Variants in SYNRG observed in about 807,000 individuals in gnomAD.
SYNRG encodes the protein AP1 gamma subunit binding protein 1.
SYNRG carries 37 observed loss-of-function variants against 130.9 expected under a neutral mutation model. That is an observed-to-expected ratio of 0.28 (90% CI 0.22 to 0.37). The LOEUF (loss-of-function observed/expected upper bound fraction) is 0.37. Ranked by LOEUF, SYNRG falls within the 10% of genes least tolerant of loss-of-function variation. The probability of loss-of-function intolerance (pLI) is 1.00; values close to 1 mark genes in which losing one functional copy is unlikely to be tolerated. For synonymous variants in SYNRG, 539 were observed against 568.1 expected (o/e 0.95, Z 0.73); for missense variants, 1,338 against 1,588.9 (o/e 0.84, Z 2.68).
chr17:37,560,844 T>C (rs780413881), intron 13 of SYNRG, among the ~76,000 whole-genome samples: 19 of 151,698 alleles, frequency 1.3e-4, no homozygotes, highest in Non-Finnish European at 2.4e-4. Flanking sequence ...TTCATATTTT[T>C]AGTAAAGACA....
chr17:37,607,910 C>T (rs1036008686), intron 1 of SYNRG, among the ~76,000 whole-genome samples: 1 of 142,260 alleles, frequency 7.0e-6, no homozygotes, highest in Non-Finnish European at 1.5e-5. Flanking sequence ...GGGTCGAGAT[C>T]ACGCCGCCGC....
intron 4 of SYNRG, 27 bp downstream of exon 4, chr17:37,586,367 GATAGATGCTATAATGTATCTTTGTT>G: frequency 6.2e-7 from 1 of 1,604,376 alleles, no homozygotes. Context: ...CAATTCTTAA[GATAGATGCTATAATGTATCTTTGTT>G]ATCCTTTAAT....
intron 19 of SYNRG, among the ~76,000 whole-genome samples, chr17:37,522,580 G>T (rs938583173): frequency 6.7e-6 from 1 of 149,968 alleles, no homozygotes; most frequent in African/African-American, 2.5e-5. Flanking sequence ...CAATCCTCCC[G>T]CCTCAGCCTC....
At chr17:37,608,967 G>C (rs1274590925) in intron 1 of SYNRG, among the ~76,000 whole-genome samples, 3 of 151,760 alleles carry the variant, frequency 2.0e-5, no homozygotes, top group African/African-American at 7.3e-5. Flanking sequence ...GAGCGGAGTC[G>C]CGGTTCCTGA....
chr17:37,573,068 G>A (rs1191909053), intron 8 of SYNRG, among the ~76,000 whole-genome samples: 1 of 152,080 alleles, frequency 6.6e-6, no homozygotes, highest in Admixed American at 6.6e-5. Flanking sequence ...TTACATCTGG[G>A]ATTATAAGTA....
intron 19 of SYNRG, among the ~76,000 whole-genome samples, chr17:37,523,578 T>C (rs1228122299): frequency 6.6e-6 from 1 of 152,236 alleles, no homozygotes; most frequent in Non-Finnish European, 1.5e-5. Context: ...TGCGACAGAA[T>C]GGAATCTCAG....
rs920703891 is a variant in SYNRG, at chr17:37,517,876, T to C, written c.*1064A>G. 6.6e-6 allele frequency: 1 copy of C among 152,186 alleles called. No individual in the cohort carries two copies. The highest frequency in any genetic ancestry group is 1.5e-5 in the Non-Finnish European group (1 of 68,030). 9.4% of individuals were successfully genotyped at this position (152,186 alleles called of 1,614,324 possible). A position where few individuals can be genotyped will look rare whatever the true frequency, so the allele number is the denominator to read the frequency against. Reference sequence around the variant, plus strand: ...CATTCACATTAAATGGCAAAGACAATTCCCTACTCCAGGAAGCATGAGCCT... The same window carrying C: ...CATTCACATTAAATGGCAAAGACAACTCCCTACTCCAGGAAGCATGAGCCT... On this transcript the variant is annotated 3_prime_UTR_variant, in exon 22 of 22. Coordinates refer to ENST00000612223, the MANE Select transcript of SYNRG (RefSeq NM_007247.6).
At chr17:37,577,822 C>A (rs1300457507) in intron 6 of SYNRG, among the ~76,000 whole-genome samples, 1 of 149,878 alleles carries the variant, frequency 6.7e-6, no homozygotes, top group African/African-American at 2.5e-5. Context: ...CCTCAGCCTC[C>A]TTAGTAGCTG....
intron 8 of SYNRG, among the ~76,000 whole-genome samples, chr17:37,573,558 C>T (rs2060597934): frequency 6.6e-6 from 1 of 152,096 alleles, no homozygotes; most frequent in Non-Finnish European, 1.5e-5. Context: ...AGATTTCATT[C>T]GTTTGGCTTG....
intron 1 of SYNRG, chr17:37,606,123 A>C: frequency 1.8e-6 from 1 of 562,196 alleles, no homozygotes; most frequent in Non-Finnish European, 2.3e-6. Flanking sequence ...TAGTTTGGGC[A>C]CAACTCTACT....
intron 2 of SYNRG, among the ~76,000 whole-genome samples, chr17:37,598,368 C>G (rs992662647): frequency 2.0e-5 from 3 of 152,154 alleles, no homozygotes; most frequent in African/African-American, 7.2e-5. Context: ...CAAAGAACAC[C>G]AAGTACAAAG....
chr17:37,520,032 C>T, intron 21 of SYNRG, 147 bp downstream of exon 21: 1 of 826,868 alleles, frequency 1.2e-6, no homozygotes, highest in Non-Finnish European at 2.0e-6. Flanking sequence ...TTAGGAGACT[C>T]CATCAAACAT....
intron 1 of SYNRG, among the ~76,000 whole-genome samples, chr17:37,603,285 C>A (rs1034763230): frequency 6.6e-6 from 1 of 152,006 alleles, no homozygotes; most frequent in African/African-American, 2.4e-5. Flanking sequence ...GGGAGGATTG[C>A]TTGAGCCCAT....
intron 14 of SYNRG, among the ~76,000 whole-genome samples, chr17:37,551,564 GAA>G (rs962452606): frequency 6.7e-6 from 1 of 149,238 alleles, no homozygotes; most frequent in Non-Finnish European, 1.5e-5. Flanking sequence ...TAAAATGGGG[GAA>G]AAAAAAAGAC....
intron 19 of SYNRG, chr17:37,529,704 G>A: frequency 7.2e-7 from 1 of 1,379,718 alleles, no homozygotes; most frequent in Admixed American, 2.0e-5. Context: ...TAAACGCACA[G>A]CAGCAACCCA....
chr17:37,553,388 A>C lies in SYNRG; in HGVS notation c.2335T>G (p.Phe779Val). The change falls in exon 14 of 22, where the codon TTC (phenylalanine) becomes GTC (valine). Residue 779 changes from phenylalanine to valine, a missense_variant. Phe to Val is a conservative substitution (Grantham distance 50). This residue lies in a region of SYNRG where 1,146 missense variants were observed against 1,342.3 expected (regional missense o/e 0.85). Coordinates refer to ENST00000612223, the MANE Select transcript of SYNRG (RefSeq NM_007247.6). ...SGKSDDDFAD[F>V]HSSKFSSINS... ...ATGGAAGAAAATTTACTGGAGTGGA[A>C]GTCAGCAAAATCATCATCACTTTTT... 1 of 1,614,214 alleles carries C rather than the reference A, an allele frequency of 6.2e-7. No homozygotes were observed. The highest frequency in any genetic ancestry group is 8.5e-7 in the Non-Finnish European group (1 of 1,180,026).
chr17:37,548,034 T>C (rs955636046), intron 14 of SYNRG, among the ~76,000 whole-genome samples: 4 of 152,228 alleles, frequency 2.6e-5, no homozygotes, highest in Non-Finnish European at 5.9e-5. Flanking sequence ...AAATACTCAT[T>C]ACTCAATTTG....
At chr17:37,534,827 ATC>A (rs2057033507) in intron 19 of SYNRG, among the ~76,000 whole-genome samples, 1 of 152,176 alleles carries the variant, frequency 6.6e-6, no homozygotes, top group South Asian at 2.1e-4. Flanking sequence ...CCACCTGGCT[ATC>A]AGTTCAGAAA....
intron 5 of SYNRG, among the ~76,000 whole-genome samples, 162 bp downstream of exon 5, chr17:37,585,163 T>C (rs533466299): frequency 2.0e-5 from 3 of 152,236 alleles, no homozygotes; most frequent in Non-Finnish European, 4.4e-5. Flanking sequence ...TTACAGAAAA[T>C]GAAAAACCCT....
Sources: allele counts gnomAD v4.1 joint callset (sites outside exome capture counted in the v4.1 genomes callset), GRCh38; gene constraint gnomAD v4.1.1; regional missense constraint gnomAD v4.1.1; transcripts MANE v1.5; gene names NCBI Gene and HGNC (gene_info 2026-07-23, HGNC 2026-07-21).